The following CS variants were observed in gnomAD, a reference collection of about 807,000 sequenced individuals.
CS encodes the protein citrate synthase, mitochondrial.
CS carries 13 observed loss-of-function variants against 61.4 expected under a neutral mutation model. The observed-to-expected ratio is 0.21, with a 90% CI of 0.14 to 0.34. The LOEUF is 0.34. Ranked by LOEUF, CS falls within the 10% of genes least tolerant of loss-of-function variation. The pLI, the probability that CS is intolerant of heterozygous loss-of-function variation, is 1.00. For missense variants in CS, 278 were observed against 573.4 expected (o/e 0.48, Z 5.26); for synonymous variants, 159 against 215.2 (o/e 0.74, Z 2.29).
rs1872524893 is a variant in CS at position 56,271,736 on chromosome 12, GAAC to G, written c.*1345_*1347del. ...AAACATTTATTTTGCATTTTATACA[GAAC>G]AACCTGAAGTCTCCATCATGACTTG... On this transcript the variant is annotated 3_prime_UTR_variant, in exon 11 of 11. Transcript: ENST00000351328. The G allele has an allele frequency of 5.8e-6, 2 of 343,484 alleles. No individual in the cohort carries two copies. The highest frequency in any genetic ancestry group is 2.2e-5 in the South Asian group (1 of 45,516). The allele number at this position is 343,484 out of a possible 1,614,324, so 21.3% of individuals were successfully genotyped here.
intron 1 of CS, among the ~76,000 whole-genome samples, chr12:56,292,859 G>A (rs558029965): frequency 1.2e-4 from 18 of 151,848 alleles, no homozygotes; most frequent in Admixed American, 5.3e-4. Flanking sequence ...AGCCGAGTTC[G>A]CACCACTGCA....
At position 56,282,455 on chromosome 12, in the gene CS, A is replaced by G. The variant is rs756424958; in HGVS notation, c.553T>C (p.Tyr185His). 1.2e-6 allele frequency: 2 copies of G among 1,612,848 alleles called. No homozygotes were observed. Among genetic ancestry groups the G allele is most frequent in the East Asian group, 2.2e-5 (1 of 44,870 alleles). Residue 185 changes from tyrosine to histidine, a missense_variant, in exon 6 of 11, where the codon TAT becomes CAT. Physicochemically the swap from Tyr to His is moderately conservative, Grantham distance 83. Coordinates refer to ENST00000351328, the MANE Select transcript of CS (RefSeq NM_004077.3). Reference sequence around the variant, plus strand: ...TTGGTTCGGCTGATACCCTGTGCATATGCTCGGGCAAAGTTACTTTCACTG... The same window carrying G: ...TTGGTTCGGCTGATACCCTGTGCATGTGCTCGGGCAAAGTTACTTTCACTG... ...LNSESNFARA[Y>H]AQGISRTKYW...
chr12:56,275,787 T>G, intron 7 of CS: 6 of 589,328 alleles, frequency 1.0e-5, no homozygotes, highest in Non-Finnish European at 1.8e-5. Context: ...AAGCACCATC[T>G]TGTTCTTAGC....
intron 6 of CS, among the ~76,000 whole-genome samples, chr12:56,280,440 A>AAAAAAAAAAAAAAAAAAAAAACCC (rs1555162652): frequency 8.3e-6 from 1 of 119,848 alleles, no homozygotes; most frequent in Non-Finnish European, 1.7e-5. Context: ...AAAAAAAACA[A>AAAAAAAAAAAAAAAAAAAAAACCC]AAAAATTAGC....
intron 6 of CS, among the ~76,000 whole-genome samples, chr12:56,278,927 G>C (rs1284303408): frequency 2.0e-5 from 3 of 151,900 alleles, no homozygotes; most frequent in African/African-American, 7.3e-5. Flanking sequence ...GTGTGCACCA[G>C]GACGCTCAGC....
intron 1 of CS, among the ~76,000 whole-genome samples, chr12:56,292,858 C>T (rs1000930576): frequency 1.2e-4 from 18 of 150,892 alleles, no homozygotes; most frequent in African/African-American, 2.9e-4. Context: ...GAGCCGAGTT[C>T]GCACCACTGC....
At chr12:56,287,910 G>A (rs531994639) in intron 1 of CS, among the ~76,000 whole-genome samples, 10 of 152,026 alleles carry the variant, frequency 6.6e-5, no homozygotes, top group South Asian at 2.1e-4. Context: ...TGCCTGCCTC[G>A]GCCTCTCAAA....
rs761980077 is a variant in CS at position 56,286,555 on chromosome 12, G to A, written c.93+40C>T. 2.3e-5 allele frequency: 36 copies of A among 1,597,016 alleles called. 1 individual carries two copies. The highest frequency in any genetic ancestry group is 1.7e-4 in the South Asian group (15 of 90,306). ...CCTCTGCCCCAAGGTCAGGCTGGCC[G>A]CAATGATTCTTATTCTTAGTCTTCT... On this transcript the variant is annotated intron_variant, in intron 2 of 10. Coordinates refer to ENST00000351328, the MANE Select transcript of CS (RefSeq NM_004077.3).
rs71081343 is a variant in CS, at chr12:56,295,951, C to CAAAAAAAAAA, written c.42+4199_42+4208dup. 1.4e-3 allele frequency among the ~76,000 whole-genome samples: 58 copies of CAAAAAAAAAA among 40,520 alleles called. 2 individuals are homozygous for CAAAAAAAAAA. Among genetic ancestry groups the CAAAAAAAAAA allele is most frequent in the Non-Finnish European group, 2.0e-3 (51 of 26,006 alleles). The allele number at this position is 40,520 out of a possible 152,430, so 26.6% of individuals were successfully genotyped here. A position where few individuals can be genotyped will look rare whatever the true frequency, so the allele number is the denominator to read the frequency against. On this transcript the variant is annotated intron_variant, in intron 1 of 10. Coordinates refer to ENST00000351328, the MANE Select transcript of CS (RefSeq NM_004077.3). ...CCTAGGCGACAGAGCGAAACTGTCT[C>CAAAAAAAAAA]AAAAAAAAAAAAAAAAAAAAAAAAA...
intron 5 of CS, 33 bp downstream of exon 5, chr12:56,282,827 A>C (rs370343640): frequency 2.5e-6 from 4 of 1,611,722 alleles, no homozygotes; most frequent in Non-Finnish European, 3.4e-6. Flanking sequence ...AAGAAGGGGA[A>C]TGAGAAGAGC....
intron 1 of CS, among the ~76,000 whole-genome samples, chr12:56,292,425 A>T (rs1274292868): frequency 6.6e-6 from 1 of 151,344 alleles, no homozygotes; most frequent in Non-Finnish European, 1.5e-5. Flanking sequence ...GTTGCTAGCC[A>T]ATCAGGACAA....
Position 56,276,008 on chromosome 12 carries a change from AG to A in CS, c.775del (p.Leu259SerfsTer12), listed in dbSNP as rs1431760345. The A allele has an allele frequency of 6.2e-7, 1 of 1,614,128 alleles. No individual in the cohort carries two copies. Among genetic ancestry groups the A allele is most frequent in the African/African-American group, 1.3e-5 (1 of 75,038 alleles). ...GGGTCTAGCTTACCTGTGGATGGTG[AG>A]GTACAGGCGCGTGAGCTCAGTGAAC... ...HQFTELTRLY[L>X]TIHSDHEGGN... On this transcript the variant is annotated frameshift_variant, in exon 7 of 11. Transcript: ENST00000351328. LOFTEE classifies it high-confidence loss of function.
At chr12:56,278,526 C>A (rs188784682) in intron 6 of CS, among the ~76,000 whole-genome samples, 1 of 152,082 alleles carries the variant, frequency 6.6e-6, no homozygotes, top group African/African-American at 2.4e-5. Context: ...ATCAAGAGGT[C>A]AACAGATCAA....
At position 56,276,070 on chromosome 12, in the gene CS, G is replaced by A. The variant is rs1423274208; in HGVS notation, c.714C>T (p.His238=). Residue 238 remains histidine, a synonymous_variant, in exon 7 of 11, where the codon CAC becomes CAT. Coordinates refer to ENST00000351328, the MANE Select transcript of CS (RefSeq NM_004077.3). The stretch of plus-strand genomic sequence containing the variant: ...TATAGCCTAACATGTTGGTGAAATT[G>A]TGAGACCAGTCCAGGTTAGAGTCAA... ...GAIDSNLDWS[H]NFTNMLGYTD... is the part of the protein sequence containing the mutation. The A allele has an allele frequency of 6.2e-7, 1 of 1,614,042 alleles. No individual in the cohort carries two copies. Among genetic ancestry groups the A allele is most frequent in the Non-Finnish European group, 8.5e-7 (1 of 1,180,038 alleles).
At chr12:56,277,253 AC>A (rs1271462083) in intron 6 of CS, among the ~76,000 whole-genome samples, 57 of 149,718 alleles carry the variant, frequency 3.8e-4, no homozygotes, top group Non-Finnish European at 8.0e-4. Context: ...TAATCCCAGC[AC>A]TTTCGGAGGC....
rs368791488 is a variant in CS, at chr12:56,286,612, C to T, written c.76G>A (p.Ala26Thr). Residue 26 changes from alanine to threonine, a missense_variant, in exon 2 of 11, where the codon GCC becomes ACC. This residue lies in a region of CS where 55 missense variants were observed against 69.9 expected (regional missense o/e 0.79). Coordinates refer to ENST00000351328, the MANE Select transcript of CS (RefSeq NM_004077.3). Reference protein sequence around the residue: ...ASCLVLAARHASASSTNLKDI... With the variant: ...ASCLVLAARHTSASSTNLKDI... ...AACCTTACCGTGGAGGAAGCACTGG[C>T]ATGCCGGGCTGCAAGAACAAGACAA... 5.0e-6 allele frequency: 8 copies of T among 1,613,978 alleles called. No homozygotes were observed. In the African/African-American group the frequency reaches 1.1e-4, roughly 22 times the overall value.
intron 6 of CS, among the ~76,000 whole-genome samples, chr12:56,276,986 G>A (rs1224218136): frequency 6.6e-6 from 1 of 151,924 alleles, no homozygotes; most frequent in African/African-American, 2.4e-5. Flanking sequence ...GATCATTTGA[G>A]GTCAGGAGTT....
chr12:56,291,333 TTTTC>T lies in CS; in HGVS notation c.43-4692_43-4689del, dbSNP rs368542302. ...TGTGGAATACAAAATAAAGTCCCAATTTTCTTTCTTTCTTTCTTTCTTTTTTTTT... is the reference window on the plus strand; with the variant it reads ...TGTGGAATACAAAATAAAGTCCCAATTTTCTTTCTTTCTTTCTTTTTTTTT... On this transcript the variant is annotated intron_variant, in intron 1 of 10. Coordinates refer to ENST00000351328, the MANE Select transcript of CS (RefSeq NM_004077.3). 2.6e-3 allele frequency: 2,456 copies of T among 931,766 alleles called. 8 individuals are homozygous for T. Among genetic ancestry groups the T allele is most frequent in the South Asian group, 0.017 (365 of 21,258 alleles). The allele number at this position is 931,766 out of a possible 1,614,324, so 57.7% of individuals were successfully genotyped here.
intron 6 of CS, among the ~76,000 whole-genome samples, chr12:56,282,040 G>T (rs1007537854): frequency 2.0e-5 from 3 of 152,122 alleles, no homozygotes; most frequent in African/African-American, 7.2e-5. Context: ...TGTATTTTTA[G>T]TAGAGATGGG....
Sources: gnomAD v4.1 joint callset for allele counts (sites outside exome capture counted in the v4.1 genomes callset) on GRCh38, gnomAD v4.1.1 for gene constraint, gnomAD v4.1.1 regional missense constraint, MANE v1.5 for transcripts, NCBI Gene and HGNC (gene_info 2026-07-23, HGNC 2026-07-21) for gene names.